Variants in GPR31 observed in about 807,000 individuals in gnomAD.
The protein encoded by GPR31 is G protein-coupled receptor 31.
For missense variants in GPR31, 394 were observed against 400.5 expected (o/e 0.98, Z 0.14); for synonymous variants, 209 against 183.8 (o/e 1.14, Z -1.11).
rs1280448472 is a variant in GPR31 at position 167,157,009 on chromosome 6, T to C, written c.823A>G (p.Ser275Gly). Reference protein sequence around the residue: ...DVTGSLTYLHSVLNPVVYCFS... With the variant: ...DVTGSLTYLHGVLNPVVYCFS... The stretch of plus-strand genomic sequence containing the variant: ...CAGTATACCACGGGGTTGAGCACAC[T>C]GTGCAGGTAGGTGAGGCTGCCCGTG... The change falls in exon 1 of 1, where the codon AGT becomes GGT. Residue 275 changes from serine to glycine, a missense_variant. By Grantham distance (56) the Ser-to-Gly change is moderately conservative. Coordinates refer to ENST00000366834, the MANE Select transcript of GPR31 (RefSeq NM_005299.3). The C allele has an allele frequency of 1.2e-6, 2 of 1,614,010 alleles. No individual in the cohort carries two copies.
rs928958486 is a variant in GPR31 at position 167,157,576 on chromosome 6, C to G, written c.256G>C (p.Gly86Arg). The G allele has an allele frequency of 6.2e-7, 1 of 1,610,672 alleles. No individual in the cohort carries two copies. Among genetic ancestry groups the G allele is most frequent in the Non-Finnish European group, 8.5e-7 (1 of 1,177,748 alleles). ...AGCAGGAAGTGCAGGGCCCAGCAGC[C>G]CACACGGCCCAGATGCCAAGCCTGG... ...SLQAWHLGRV[G>R]CWALHFLLDL... Residue 86 changes from glycine to arginine, a missense_variant, in exon 1 of 1, where the codon GGC (glycine) becomes CGC (arginine). Physicochemically the swap from Gly to Arg is moderately radical, Grantham distance 125 (BLOSUM62 -2). Coordinates refer to ENST00000366834, the MANE Select transcript of GPR31 (RefSeq NM_005299.3).
rs74792841 is a variant in GPR31, at chr6:167,155,684, A to G, written c.*1188T>C. Among the ~76,000 whole-genome samples the G allele has an allele frequency of 2.5e-4, 38 of 152,356 alleles. No individual in the cohort carries two copies. The East Asian group carries it at 7.3e-3, about 29-fold the overall frequency. ...AGAATAGTTTCTGCACACGAATAAC[A>G]TGAGTGCAGCTCCAGGGAGGCTGAG... On this transcript the variant is annotated 3_prime_UTR_variant, in exon 1 of 1. Transcript: ENST00000366834.
In GPR31 at chr6:167,155,269, A is replaced by G. The variant is rs190421986; in HGVS notation, c.*1603T>C. On this transcript the variant is annotated 3_prime_UTR_variant, in exon 1 of 1. Transcript: ENST00000366834. The stretch of plus-strand genomic sequence containing the variant: ...GAGTCCACATTAAAGAATTTTATTC[A>G]GACATTTCACAACTATCTGGTCACT... 1.3e-3 allele frequency among the ~76,000 whole-genome samples: 201 copies of G among 152,228 alleles called. 2 individuals carry two copies. The highest frequency in any genetic ancestry group is 2.8e-3 in the Admixed American group (43 of 15,296).
Position 167,157,258 on chromosome 6 carries a change from G to A in GPR31, c.574C>T (p.Leu192Phe), listed in dbSNP as rs1232174713. 3.7e-6 allele frequency: 6 copies of A among 1,614,092 alleles called. No individual in the cohort carries two copies. Among genetic ancestry groups the A allele is most frequent in the Non-Finnish European group, 4.2e-6 (5 of 1,180,048 alleles). The stretch of plus-strand genomic sequence containing the variant: ...ATGCCTGCATTGCAGAACACGATGA[G>A]GCCAAAGGGGAGGACAAACTGAAGG... ...SCLQFVLPFGLIVFCNAGIIR... is the reference protein window; with the variant it reads ...SCLQFVLPFGFIVFCNAGIIR... The change falls in exon 1 of 1, where the codon CTC becomes TTC. Residue 192 changes from leucine (L) to phenylalanine (F), a missense_variant. By Grantham distance (22) the Leu-to-Phe change is conservative (BLOSUM62 0). Coordinates refer to ENST00000366834, the MANE Select transcript of GPR31 (RefSeq NM_005299.3).
Position 167,157,158 on chromosome 6 carries a change from G to A in GPR31, c.674C>T (p.Thr225Ile). 6.2e-7 allele frequency: 1 copy of A among 1,614,244 alleles called. No homozygotes were observed. The highest frequency in any genetic ancestry group is 8.5e-7 in the Non-Finnish European group (1 of 1,180,050). The change falls in exon 1 of 1, where the codon ACC becomes ATC. Residue 225 changes from threonine to isoleucine, a missense_variant. Coordinates refer to ENST00000366834, the MANE Select transcript of GPR31 (RefSeq NM_005299.3). ...CAGAGCAAACAGCACCACCACCAAGGTGACCAGTGCCTGGGCCCGCTGAAG... is the reference window on the plus strand; with the variant it reads ...CAGAGCAAACAGCACCACCACCAAGATGACCAGTGCCTGGGCCCGCTGAAG... ...PKLQRAQALV[T>I]LVVVLFALCF...
Position 167,157,601 on chromosome 6 carries a change from G to A in GPR31, c.231C>T (p.Leu77=), listed in dbSNP as rs865787709. Residue 77 remains leucine, a synonymous_variant, in exon 1 of 1, where the codon CTC becomes CTT. Coordinates refer to ENST00000366834, the MANE Select transcript of GPR31 (RefSeq NM_005299.3). ...CCACACGGCCCAGATGCCAAGCCTG[G>A]AGGCTCAGGTAGAAGGCGGCCAGGA... ...LPFLAAFYLS[L]QAWHLGRVGC... is the part of the protein sequence containing the mutation. 1 of 1,613,482 alleles carries A rather than the reference G, an allele frequency of 6.2e-7. No individual in the cohort carries two copies. The highest frequency in any genetic ancestry group is 8.5e-7 in the Non-Finnish European group (1 of 1,179,752).
Position 167,157,928 on chromosome 6 carries a change from A to T in GPR31, c.-97T>A. 1 of 1,369,822 alleles carries T rather than the reference A, an allele frequency of 7.3e-7. No individual in the cohort carries two copies. Among genetic ancestry groups the T allele is most frequent in the South Asian group, 1.5e-5 (1 of 66,598 alleles). The allele number at this position is 1,369,822 out of a possible 1,614,324, so 84.9% of individuals were successfully genotyped here. ...ATGAAAGAAAAGGCCTTTTCCTGCC[A>T]CAGAGTAGACAAGATCTACATTTGC... is the stretch of plus-strand genomic sequence containing the variant. On this transcript the variant is annotated 5_prime_UTR_variant, in exon 1 of 1. Coordinates refer to ENST00000366834, the MANE Select transcript of GPR31 (RefSeq NM_005299.3).
rs565786911 is a variant in GPR31 at position 167,155,542 on chromosome 6, T to C, written c.*1330A>G. Among the ~76,000 whole-genome samples the C allele has an allele frequency of 6.6e-6, 1 of 152,252 alleles. No homozygotes were observed. The highest frequency in any genetic ancestry group is 1.9e-4 in the East Asian group (1 of 5,206). On this transcript the variant is annotated 3_prime_UTR_variant, in exon 1 of 1. Transcript: ENST00000366834. ...CATTTTCTGTTGCCTAGAGCCATCA[T>C]TTTTGACCTCGAATTTGACAGAAAG...
chr6:167,155,295 G>T lies in GPR31; in HGVS notation c.*1577C>A, dbSNP rs1173951229. Among the ~76,000 whole-genome samples, 1 of 152,212 alleles carries T rather than the reference G, an allele frequency of 6.6e-6. No individual in the cohort carries two copies. The highest frequency in any genetic ancestry group is 2.4e-5 in the African/African-American group (1 of 41,454). On this transcript the variant is annotated 3_prime_UTR_variant, in exon 1 of 1. Coordinates refer to ENST00000366834, the MANE Select transcript of GPR31 (RefSeq NM_005299.3). ...GACATTTCACAACTATCTGGTCACTGTTCCCTTCTTAGCCCTTTGAAATTC... is the reference window on the plus strand; with the variant it reads ...GACATTTCACAACTATCTGGTCACTTTTCCCTTCTTAGCCCTTTGAAATTC...
chr6:167,157,604 G>T lies in GPR31; in HGVS notation c.228C>A (p.Ser76Arg), dbSNP rs1218452063. 1 of 1,613,606 alleles carries T rather than the reference G, an allele frequency of 6.2e-7. No homozygotes were observed. Among genetic ancestry groups the T allele is most frequent in the African/African-American group, 1.3e-5 (1 of 75,060 alleles). ...CACGGCCCAGATGCCAAGCCTGGAG[G>T]CTCAGGTAGAAGGCGGCCAGGAAAG... ...CLPFLAAFYL[S>R]LQAWHLGRVG... Residue 76 changes from serine to arginine, a missense_variant, in exon 1 of 1, where the codon AGC becomes AGA. Ser to Arg is a moderately radical substitution (Grantham distance 110). Transcript: ENST00000366834.
In GPR31 at chr6:167,157,514, G is replaced by C; in HGVS notation, c.318C>G (p.Ala106=). ...GGAGGTACCGGTCCAAAGCCACGGCGGCCAGGAAGGCCATCCCCACGCTGC... is the reference window on the plus strand; with the variant it reads ...GGAGGTACCGGTCCAAAGCCACGGCCGCCAGGAAGGCCATCCCCACGCTGC... ...LSRSVGMAFL[A]AVALDRYLRV... is the part of the protein sequence containing the mutation. The change falls in exon 1 of 1, where the codon GCC becomes GCG. Residue 106 remains alanine (A), a synonymous_variant. Coordinates refer to ENST00000366834, the MANE Select transcript of GPR31 (RefSeq NM_005299.3). The C allele has an allele frequency of 6.2e-7, 1 of 1,613,112 alleles. No individual in the cohort carries two copies. The highest frequency in any genetic ancestry group is 8.5e-7 in the Non-Finnish European group (1 of 1,179,672).
Position 167,156,906 on chromosome 6 carries a change from G to T in GPR31, c.926C>A (p.Pro309His). ...TLRGKGQAAE[P>H]PDFNPRDSYS ...GGAGTCTCTGGGGTTGAAATCTGGG[G>T]GCTCTGCTGCCTGCCCTTTGCCTCG... Residue 309 changes from proline to histidine, a missense_variant, in exon 1 of 1, where the codon CCC (proline) becomes CAC (histidine). Physicochemically the swap from Pro to His is moderately conservative, Grantham distance 77 (BLOSUM62 -2). Transcript: ENST00000366834. This position sits in a 1 kb window ranked among gnomAD's most constrained non-coding sequence, Gnocchi z 4.5. 6.2e-7 allele frequency: 1 copy of T among 1,608,984 alleles called. No homozygotes were observed. Among genetic ancestry groups the T allele is most frequent in the Non-Finnish European group, 8.5e-7 (1 of 1,177,582 alleles).
In GPR31 at chr6:167,155,552, C is replaced by G. The variant is rs35844251; in HGVS notation, c.*1320G>C. Among the ~76,000 whole-genome samples, 1 of 152,298 alleles carries G rather than the reference C, an allele frequency of 6.6e-6. No individual in the cohort carries two copies. Among genetic ancestry groups the G allele is most frequent in the East Asian group, 1.9e-4 (1 of 5,188 alleles). Reference sequence around the variant, plus strand: ...TGCCTAGAGCCATCATTTTTGACCTCGAATTTGACAGAAAGCTTGGGACCA... The same window carrying G: ...TGCCTAGAGCCATCATTTTTGACCTGGAATTTGACAGAAAGCTTGGGACCA... On this transcript the variant is annotated 3_prime_UTR_variant, in exon 1 of 1. Coordinates refer to ENST00000366834, the MANE Select transcript of GPR31 (RefSeq NM_005299.3).
At position 167,157,980 on chromosome 6, in the gene GPR31, T is replaced by C. The variant is rs184071371; in HGVS notation, c.-149A>G. 2.5e-4 allele frequency: 246 copies of C among 999,646 alleles called. No homozygotes were observed. In the African/African-American group the frequency reaches 3.5e-3, roughly 14 times the overall value. The allele number at this position is 999,646 out of a possible 1,614,324, so 61.9% of individuals were successfully genotyped here. A position where few individuals can be genotyped will look rare whatever the true frequency, so the allele number is the denominator to read the frequency against. On this transcript the variant is annotated 5_prime_UTR_variant, in exon 1 of 1. Coordinates refer to ENST00000366834, the MANE Select transcript of GPR31 (RefSeq NM_005299.3). ...CAACAAGAACAGTTCCTCAGCAGAA[T>C]AGAGTCCACAGCAAACCAAAATTCA... is the stretch of plus-strand genomic sequence containing the variant.
In GPR31 at chr6:167,156,052, CA is replaced by C. The variant is rs1442679543; in HGVS notation, c.*819del. Among the ~76,000 whole-genome samples, 1 of 152,220 alleles carries C rather than the reference CA, an allele frequency of 6.6e-6. No homozygotes were observed. Among genetic ancestry groups the C allele is most frequent in the Non-Finnish European group, 1.5e-5 (1 of 68,036 alleles). ...CCAGCGGGGTTGGAAATGACCATTT[CA>C]AACACCACGTGATAGCTTACATTGT... On this transcript the variant is annotated 3_prime_UTR_variant, in exon 1 of 1. Transcript: ENST00000366834. The surrounding 1 kb of genome is among the most constrained non-coding windows in gnomAD (Gnocchi z 4.5).
chr6:167,157,456 G>A lies in GPR31; in HGVS notation c.376C>T (p.Leu126=), dbSNP rs1171631194. ...ACCCCCAGGGCCGCCTGAGGAGACA[G>A]CAGGTTGACCTTAAGCCGAGGGTGG... ...VVHPRLKVNL[L]SPQAALGVSG... is the part of the protein sequence containing the mutation. Residue 126 remains leucine (L), a synonymous_variant, in exon 1 of 1, where the codon CTG becomes TTG. Coordinates refer to ENST00000366834, the MANE Select transcript of GPR31 (RefSeq NM_005299.3). 6.2e-7 allele frequency: 1 copy of A among 1,613,516 alleles called. No homozygotes were observed. Among genetic ancestry groups the A allele is most frequent in the Non-Finnish European group, 8.5e-7 (1 of 1,179,976 alleles).
In GPR31 at chr6:167,156,843, A is replaced by G. The variant is rs753096795; in HGVS notation, c.*29T>C. ...TATTTAGGTCGCAGGTAGTTCCATA[A>G]ACACGGGCGTTGAGGACGCTGGCTG... On this transcript the variant is annotated 3_prime_UTR_variant, in exon 1 of 1. Coordinates refer to ENST00000366834, the MANE Select transcript of GPR31 (RefSeq NM_005299.3). This position sits in a 1 kb window ranked among gnomAD's most constrained non-coding sequence, Gnocchi z 4.5. 6.5e-7 allele frequency: 1 copy of G among 1,538,498 alleles called. No homozygotes were observed. The highest frequency in any genetic ancestry group is 8.7e-7 in the Non-Finnish European group (1 of 1,146,702).
Position 167,157,515 on chromosome 6 carries a change from G to A in GPR31, c.317C>T (p.Ala106Val), listed in dbSNP as rs780358128. Residue 106 changes from alanine (A) to valine (V), a missense_variant, in exon 1 of 1, where the codon GCC becomes GTC. By Grantham distance (64) the Ala-to-Val change is moderately conservative. Coordinates refer to ENST00000366834, the MANE Select transcript of GPR31 (RefSeq NM_005299.3). ...GAGGTACCGGTCCAAAGCCACGGCG[G>A]CCAGGAAGGCCATCCCCACGCTGCG... ...LSRSVGMAFL[A>V]AVALDRYLRV... The A allele has an allele frequency of 9.3e-6, 15 of 1,613,042 alleles. No homozygotes were observed. The highest frequency in any genetic ancestry group is 1.2e-5 in the Non-Finnish European group (14 of 1,179,702).
chr6:167,155,570 TG>T lies in GPR31; in HGVS notation c.*1301del, dbSNP rs1487917321. On this transcript the variant is annotated 3_prime_UTR_variant, in exon 1 of 1. Coordinates refer to ENST00000366834, the MANE Select transcript of GPR31 (RefSeq NM_005299.3). ...TTGACCTCGAATTTGACAGAAAGCT[TG>T]GGACCACCCCTGTGGGATAATTGAA... 1.3e-5 allele frequency among the ~76,000 whole-genome samples: 2 copies of T among 152,238 alleles called. No individual in the cohort carries two copies. Among genetic ancestry groups the T allele is most frequent in the Non-Finnish European group, 2.9e-5 (2 of 68,042 alleles).
Sources: gnomAD v4.1 joint callset for allele counts (sites outside exome capture counted in the v4.1 genomes callset) on GRCh38, gnomAD v4.1.1 for gene constraint, Gnocchi (gnomAD v3.1) non-coding constraint, MANE v1.5 for transcripts, NCBI Gene and HGNC (gene_info 2026-07-23, HGNC 2026-07-21) for gene names.